Variants in DDX10 observed in about 807,000 individuals in gnomAD.
DDX10 encodes DEAD-box helicase 10.
Under a neutral mutation model 104.3 loss-of-function variants are expected in DDX10, and 74 were observed. The observed-to-expected ratio is 0.71, with a 90% CI of 0.59 to 0.86. The LOEUF (loss-of-function observed/expected upper bound fraction) is 0.86. Ranked by LOEUF, DDX10 falls within the 40% of genes least tolerant of loss-of-function variation. The pLI, the probability that DDX10 is intolerant of heterozygous loss-of-function variation, is 0.00. For synonymous variants in DDX10, 351 were observed against 353.4 expected, an observed-to-expected ratio of 0.99 and a Z score of 0.08; for missense variants, 952 against 1,040.0, an observed-to-expected ratio of 0.92 and a Z score of 1.16.
intron 13 of DDX10, among the ~76,000 whole-genome samples, chr11:108,749,736 G>A (rs879291049): frequency 3.3e-5 from 5 of 152,144 alleles, no homozygotes; most frequent in East Asian, 3.8e-4. Context: ...CATTTAAAGC[G>A]TGCAGAATTT....
chr11:108,717,346 A>G (rs1020765968), intron 11 of DDX10, among the ~76,000 whole-genome samples: 1 of 152,126 alleles, frequency 6.6e-6, no homozygotes, highest in African/African-American at 2.4e-5. Flanking sequence ...TTTCGCTTTT[A>G]TTATCCAGGC....
chr11:108,797,975 C>T (rs924537938), intron 13 of DDX10, among the ~76,000 whole-genome samples: 3 of 152,160 alleles, frequency 2.0e-5, no homozygotes, highest in Admixed American at 6.6e-5. Context: ...TGGTAGAAAC[C>T]GCAGTCTCCT....
At chr11:108,734,872 A>G (rs1200549691) in intron 13 of DDX10, among the ~76,000 whole-genome samples, 1 of 152,200 alleles carries the variant, frequency 6.6e-6, no homozygotes, top group African/African-American at 2.4e-5. Flanking sequence ...GCTTGTTTAT[A>G]TGGCTCTAAC....
intron 17 of DDX10, chr11:108,921,350 A>G (rs991129126): frequency 6.6e-6 from 1 of 152,234 alleles, no homozygotes; most frequent in Admixed American, 6.5e-5. Context: ...TAGTAGCGCC[A>G]GTAAAGTTTT....
intron 13 of DDX10, among the ~76,000 whole-genome samples, chr11:108,796,392 G>C (rs1861941956): frequency 6.6e-6 from 1 of 152,140 alleles, no homozygotes; most frequent in Non-Finnish European, 1.5e-5. Flanking sequence ...TTTGGGGACA[G>C]ATTTATTATT....
At chr11:108,844,784 C>T (rs570883442) in intron 15 of DDX10, among the ~76,000 whole-genome samples, 5 of 152,300 alleles carry the variant, frequency 3.3e-5, no homozygotes, top group African/African-American at 1.2e-4. Flanking sequence ...GATCCTCTGG[C>T]TCCATAGATC....
At chr11:108,760,935 G>T (rs935999547) in intron 13 of DDX10, among the ~76,000 whole-genome samples, 1 of 151,990 alleles carries the variant, frequency 6.6e-6, no homozygotes, top group Non-Finnish European at 1.5e-5. Flanking sequence ...ATTTTCAAAG[G>T]TGGAAGAGTG....
At chr11:108,823,992 A>G (rs1035764965) in intron 13 of DDX10, among the ~76,000 whole-genome samples, 1 of 151,030 alleles carries the variant, frequency 6.6e-6, no homozygotes, top group Non-Finnish European at 1.5e-5. Context: ...ATACTCCCCT[A>G]AGAGAAGTAT....
intron 6 of DDX10, among the ~76,000 whole-genome samples, chr11:108,685,337 C>T (rs2134445722): frequency 6.6e-6 from 1 of 151,512 alleles, no homozygotes; most frequent in South Asian, 2.1e-4. Context: ...GGAAAGGGAA[C>T]TCCCTGACCC....
rs2094248348 is a variant in DDX10, at chr11:108,688,993, T to A, written c.906T>A (p.Ser302Arg). The stretch of plus-strand genomic sequence containing the variant: ...TCTGTGAGCTGCAGCAAAAAATAAG[T>A]GTGCTGTATTCCTTTTTGAGAAGCC... The part of the protein sequence containing the change: ...YIVCELQQKI[S>R]VLYSFLRSHL... Residue 302 changes from serine (S) to arginine (R), a missense_variant, in exon 7 of 18, where the codon AGT becomes AGA. Coordinates refer to ENST00000322536, the MANE Select transcript of DDX10 (RefSeq NM_004398.4). 6 of 1,614,052 alleles carry A rather than the reference T, an allele frequency of 3.7e-6. No homozygotes were observed. Among genetic ancestry groups the A allele is most frequent in the Non-Finnish European group, 5.1e-6 (6 of 1,179,910 alleles).
intron 13 of DDX10, among the ~76,000 whole-genome samples, chr11:108,805,601 C>A (rs1862087225): frequency 6.6e-6 from 1 of 152,100 alleles, no homozygotes. Flanking sequence ...TTTCCTCCTG[C>A]TTTTAATACT....
intron 13 of DDX10, among the ~76,000 whole-genome samples, chr11:108,809,099 T>C (rs1290173291): frequency 6.6e-6 from 1 of 152,112 alleles, no homozygotes. Context: ...GAGTGATATA[T>C]TGGTTGATCT....
chr11:108,780,689 G>A (rs2094377000), intron 13 of DDX10, among the ~76,000 whole-genome samples: 1 of 152,108 alleles, frequency 6.6e-6, no homozygotes, highest in African/African-American at 2.4e-5. Context: ...TTCTACTCAA[G>A]CACTTTATTA....
rs535113561 is a variant in DDX10, at chr11:108,767,165, A to G, written c.1965+43703A>G. 1.1e-4 allele frequency: 17 copies of G among 152,284 alleles called. No individual in the cohort carries two copies. The South Asian group carries it at 2.1e-3, about 19-fold the overall frequency. 9.4% of individuals were successfully genotyped at this position (152,284 alleles called of 1,614,324 possible). A position where few individuals can be genotyped will look rare whatever the true frequency, so the allele number is the denominator to read the frequency against. On this transcript the variant is annotated intron_variant, in intron 13 of 17. Coordinates refer to ENST00000322536, the MANE Select transcript of DDX10 (RefSeq NM_004398.4). ...CTTCATATGATTTCAGCTGCCAGTA[A>G]ACAATTCATCTCTGGACTTATCTTA...
chr11:108,860,336 T>A (rs1342491117), intron 16 of DDX10, among the ~76,000 whole-genome samples: 5 of 152,248 alleles, frequency 3.3e-5, no homozygotes, highest in African/African-American at 1.2e-4. Context: ...TTGTATTTTC[T>A]TAAATGACAT....
chr11:108,693,691 G>C, intron 9 of DDX10, 91 bp downstream of exon 9: 1 of 1,022,346 alleles, frequency 9.8e-7, no homozygotes, highest in Non-Finnish European at 1.5e-6. Context: ...AAAGGAATCA[G>C]GTAAGTGAGT....
At chr11:108,909,457 C>T (rs1044478604) in intron 16 of DDX10, among the ~76,000 whole-genome samples, 4 of 144,692 alleles carry the variant, frequency 2.8e-5, no homozygotes, top group African/African-American at 7.7e-5. Context: ...GCCCCACTCC[C>T]GCCCCTTCCC....
At chr11:108,885,554 C>T (rs1360050042) in intron 16 of DDX10, among the ~76,000 whole-genome samples, 4 of 151,846 alleles carry the variant, frequency 2.6e-5, no homozygotes, top group African/African-American at 4.8e-5. Flanking sequence ...GACAGGGTTT[C>T]GGGTTTCACA....
chr11:108,730,617 T>A (rs2094310816), intron 13 of DDX10, among the ~76,000 whole-genome samples: 1 of 152,180 alleles, frequency 6.6e-6, no homozygotes, highest in South Asian at 2.1e-4. Context: ...TTTTGTGAAG[T>A]TCACCTCATG....
Sources: gnomAD v4.1 joint callset for allele counts (sites outside exome capture counted in the v4.1 genomes callset) on GRCh38, gnomAD v4.1.1 for gene constraint, MANE v1.5 for transcripts, NCBI Gene and HGNC (gene_info 2026-07-23, HGNC 2026-07-21) for gene names.